ENPP6: variants seen among roughly 807,000 people sequenced by gnomAD.
ENPP6 encodes the protein glycerophosphocholine cholinephosphodiesterase ENPP6.
Under a neutral mutation model 42.0 loss-of-function variants are expected in ENPP6, and 32 were observed. That is an observed-to-expected ratio of 0.76 (90% CI 0.58 to 1.02). ENPP6 has a LOEUF of 1.02. Among genes scored for constraint, ENPP6 ranks in the 50% least tolerant of loss-of-function variants. The pLI is 0.00. For synonymous variants in ENPP6, 213 were observed against 216.0 expected, an observed-to-expected ratio of 0.99 and a Z score of 0.12; for missense variants, 552 against 566.8, an observed-to-expected ratio of 0.97 and a Z score of 0.27.
chr4:184,096,186 G>A (rs1462768955), intron 7 of ENPP6, among the ~76,000 whole-genome samples: 1 of 152,170 alleles, frequency 6.6e-6, no homozygotes, highest in African/African-American at 2.4e-5. Flanking sequence ...TTCCTAAAAG[G>A]GATTTTGTGG....
chr4:184,166,277 A>G (rs1271309765), intron 1 of ENPP6, among the ~76,000 whole-genome samples: 1 of 152,226 alleles, frequency 6.6e-6, no homozygotes, highest in Non-Finnish European at 1.5e-5. Context: ...GGCTGAGATA[A>G]TGGGCTTTGA....
intron 2 of ENPP6, among the ~76,000 whole-genome samples, chr4:184,140,279 AG>A (rs1560990215): frequency 6.6e-6 from 1 of 150,976 alleles, no homozygotes. Context: ...GCTCATGGGT[AG>A]GAAGAATCAA....
At chr4:184,141,917 G>A (rs569473887) in intron 2 of ENPP6, among the ~76,000 whole-genome samples, 12 of 152,124 alleles carry the variant, frequency 7.9e-5, no homozygotes, top group African/African-American at 1.7e-4. Flanking sequence ...AATCTGTAAC[G>A]TCTACAATAC....
chr4:184,204,152 T>C (rs927157285), intron 1 of ENPP6: 2 of 152,210 alleles, frequency 1.3e-5, no homozygotes, highest in Non-Finnish European at 2.9e-5. Flanking sequence ...CGATACTGGA[T>C]GAGTGCCCAC....
intron 1 of ENPP6, among the ~76,000 whole-genome samples, chr4:184,210,667 A>G (rs1733095056): frequency 7.0e-6 from 1 of 142,852 alleles, no homozygotes; most frequent in African/African-American, 2.6e-5. Flanking sequence ...TGTCAACATT[A>G]GACAGATCAA....
intron 1 of ENPP6, among the ~76,000 whole-genome samples, chr4:184,195,941 A>G (rs974784018): frequency 2.6e-5 from 4 of 152,152 alleles, no homozygotes; most frequent in African/African-American, 9.7e-5. Flanking sequence ...CCTTCTCCAC[A>G]GAGCTGATCA....
chr4:184,193,983 TAATGC>T (rs1732748143), intron 1 of ENPP6, among the ~76,000 whole-genome samples: 1 of 152,208 alleles, frequency 6.6e-6, no homozygotes, highest in African/African-American at 2.4e-5. Context: ...GCTGAGATCC[TAATGC>T]TATTTTTGGC....
At chr4:184,197,417 C>T (rs373026177) in intron 1 of ENPP6, among the ~76,000 whole-genome samples, 29 of 152,172 alleles carry the variant, frequency 1.9e-4, no homozygotes, top group Non-Finnish European at 3.1e-4. Context: ...AGAATAAGGT[C>T]GAGAGCTCAG....
intron 1 of ENPP6, among the ~76,000 whole-genome samples, chr4:184,194,129 A>G (rs1407525263): frequency 6.6e-6 from 1 of 152,058 alleles, no homozygotes; most frequent in Non-Finnish European, 1.5e-5. Flanking sequence ...ATGGTCCCTC[A>G]TCTACTCAGA....
intron 6 of ENPP6, among the ~76,000 whole-genome samples, chr4:184,108,098 G>A (rs924661964): frequency 7.2e-5 from 11 of 152,152 alleles, no homozygotes; most frequent in South Asian, 2.1e-4. Flanking sequence ...TTTTTACCAA[G>A]GAAACCAAAT....
rs550475037 is a variant in ENPP6 at position 184,151,892 on chromosome 4, T to C, written c.421+1662A>G. 1.8e-3 allele frequency among the ~76,000 whole-genome samples: 280 copies of C among 152,280 alleles called. 1 individual carries two copies. Among genetic ancestry groups the C allele is most frequent in the African/African-American group, 6.4e-3 (267 of 41,550 alleles). On this transcript the variant is annotated intron_variant, in intron 2 of 7. Transcript: ENST00000296741. ...CTTCCTTCCTTAAATCTAGTCCAAC[T>C]CCACGAAAAGTTATCTCCTTGTAAG...
intron 1 of ENPP6, among the ~76,000 whole-genome samples, chr4:184,206,646 A>G (rs1466757099): frequency 6.6e-6 from 1 of 152,158 alleles, no homozygotes; most frequent in East Asian, 1.9e-4. Context: ...CCTTTGGTCC[A>G]GTTTTAATTT....
At chr4:184,207,619 G>A (rs1437708926) in intron 1 of ENPP6, among the ~76,000 whole-genome samples, 1 of 152,212 alleles carries the variant, frequency 6.6e-6, no homozygotes, top group African/African-American at 2.4e-5. Flanking sequence ...AAGATGTAGA[G>A]ACACACACCA....
In ENPP6 at chr4:184,217,691, C is replaced by A. The variant is rs201805878; in HGVS notation, c.129G>T (p.Ala43=). The A allele has an allele frequency of 3.9e-5, 63 of 1,614,224 alleles. No homozygotes were observed. Among genetic ancestry groups the A allele is most frequent in the Middle Eastern group, 1.6e-4 (1 of 6,062 alleles). The change falls in exon 1 of 8, where the codon GCG becomes GCT. Residue 43 remains alanine (A), a synonymous_variant. Transcript: ENST00000296741. ...CTTTGAAACCAGGCAATGACTCCAGCGCCTCATCACTGATGTAGTCTGAGC... is the reference window on the plus strand; with the variant it reads ...CTTTGAAACCAGGCAATGACTCCAGAGCCTCATCACTGATGTAGTCTGAGC... The part of the protein sequence containing the change: ...GFRSDYISDE[A]LESLPGFKEI...
chr4:184,194,396 A>G (rs973005704), intron 1 of ENPP6, among the ~76,000 whole-genome samples: 1 of 152,224 alleles, frequency 6.6e-6, no homozygotes, highest in Non-Finnish European at 1.5e-5. Flanking sequence ...CATCGTGACA[A>G]TGTTTCTGGC....
rs1735760221 is a variant in ENPP6 at position 184,090,022 on chromosome 4, CAGTT to C, written c.*1151_*1154del. ...CCAAACTGTTTCCTAATCAAACGAC[CAGTT>C]AGTTGGTCAGTGACTGGGACTCTGC... On this transcript the variant is annotated 3_prime_UTR_variant, in exon 8 of 8. Transcript: ENST00000296741. The C allele has an allele frequency of 6.6e-6, 1 of 152,078 alleles. No homozygotes were observed. Among genetic ancestry groups the C allele is most frequent in the Non-Finnish European group, 1.5e-5 (1 of 68,034 alleles). The allele number at this position is 152,078 out of a possible 1,614,324, so 9.4% of individuals were successfully genotyped here.
intron 3 of ENPP6, among the ~76,000 whole-genome samples, chr4:184,122,344 G>A (rs116501135): frequency 0.014 from 2,197 of 151,976 alleles, 54 homozygotes; most frequent in African/African-American, 0.05. Context: ...CTGGGCTTCC[G>A]GTTCTTTGTA....
intron 1 of ENPP6, among the ~76,000 whole-genome samples, chr4:184,181,770 G>C (rs182086348): frequency 1.3e-5 from 2 of 152,128 alleles, no homozygotes; most frequent in Non-Finnish European, 2.9e-5. Flanking sequence ...AAGGATTCCT[G>C]GTTTAATAAA....
intron 1 of ENPP6, among the ~76,000 whole-genome samples, chr4:184,206,967 A>T (rs1037668686): frequency 6.6e-6 from 1 of 152,212 alleles, no homozygotes; most frequent in African/African-American, 2.4e-5. Flanking sequence ...GGCCCTGGCC[A>T]GTTACTGTGT....
Sources: allele counts gnomAD v4.1 joint callset (sites outside exome capture counted in the v4.1 genomes callset), GRCh38; gene constraint gnomAD v4.1.1; transcripts MANE v1.5; gene names NCBI Gene and HGNC (gene_info 2026-07-23, HGNC 2026-07-21).